RAI14: variants seen among roughly 807,000 people sequenced by gnomAD.
The protein encoded by RAI14 is retinoic acid induced 14, also known as ankycorbin.
A neutral mutation model predicts 115.4 loss-of-function variants in RAI14; 45 were observed. That is an observed-to-expected ratio of 0.39 (90% CI 0.31 to 0.50). RAI14 has a LOEUF of 0.50. Among genes scored for constraint, RAI14 ranks in the 20% least tolerant of loss-of-function variants. RAI14 has a pLI of 0.85. For missense variants in RAI14, 939 were observed against 1,131.2 expected (o/e 0.83, Z 2.44); for synonymous variants, 371 against 415.4 (o/e 0.89, Z 1.30).
intron 2 of RAI14, chr5:34,728,561 C>G (rs1743774704): frequency 6.6e-6 from 1 of 152,114 alleles, no homozygotes; most frequent in African/African-American, 2.4e-5. Context: ...GGGAGCTCCC[C>G]TGCACATGCT....
intron 2 of RAI14, among the ~76,000 whole-genome samples, chr5:34,732,473 C>G (rs530072194): frequency 7.2e-6 from 1 of 139,394 alleles, no homozygotes; most frequent in East Asian, 2.1e-4. Flanking sequence ...GAGTCTTGCT[C>G]TGTCACTCAG....
intron 3 of RAI14, among the ~76,000 whole-genome samples, chr5:34,769,153 C>T (rs1447214235): frequency 6.6e-6 from 1 of 152,008 alleles, no homozygotes; most frequent in Non-Finnish European, 1.5e-5. Flanking sequence ...TTATAGCATT[C>T]ATTTTTTACA....
intron 2 of RAI14, among the ~76,000 whole-genome samples, chr5:34,692,909 C>T (rs1374885541): frequency 4.6e-5 from 7 of 152,228 alleles, no homozygotes; most frequent in Admixed American, 6.5e-5. Flanking sequence ...GGTACTGGCA[C>T]GGTTGGTTCC....
In RAI14 at chr5:34,821,856, T is replaced by G; in HGVS notation, c.1113+6T>G. On this transcript the variant is annotated splice_donor_region_variant and intron_variant, in intron 14 of 17. Transcript: ENST00000265109. ...AGTTACAAGATAAATTACAGGTATA[T>G]AAATAGATTGCTATCATGGACTATT... The G allele has an allele frequency of 6.9e-7, 1 of 1,443,764 alleles. No individual in the cohort carries two copies. Among genetic ancestry groups the G allele is most frequent in the Non-Finnish European group, 9.7e-7 (1 of 1,027,104 alleles). The allele number at this position is 1,443,764 out of a possible 1,614,324, so 89.4% of individuals were successfully genotyped here.
intron 1 of RAI14, among the ~76,000 whole-genome samples, chr5:34,666,906 C>T (rs775917921): frequency 1.4e-4 from 22 of 152,162 alleles, no homozygotes; most frequent in Non-Finnish European, 2.9e-4. Context: ...GCCCTGCCCT[C>T]GGGGACTTAA....
intron 2 of RAI14, chr5:34,688,172 C>G: frequency 1.3e-6 from 2 of 1,548,198 alleles, no homozygotes; most frequent in Non-Finnish European, 1.7e-6. Context: ...CGAGAAACCT[C>G]CTTCAACCTC....
chr5:34,781,389 A>G (rs1054511853), intron 3 of RAI14, among the ~76,000 whole-genome samples: 2 of 152,172 alleles, frequency 1.3e-5, no homozygotes, highest in South Asian at 2.1e-4. Context: ...AAAAAAAGTA[A>G]AAGCTTATGT....
At chr5:34,817,282 A>AAAG (rs1756361242) in intron 12 of RAI14, among the ~76,000 whole-genome samples, 1 of 151,828 alleles carries the variant, frequency 6.6e-6, no homozygotes, top group East Asian at 1.9e-4. Context: ...CAAAAAAAAA[A>AAAG]AAAAAAAGAA....
At position 34,664,407 on chromosome 5, in the gene RAI14, A is replaced by G. The variant is rs540095888; in HGVS notation, c.-49+7932A>G. On this transcript the variant is annotated intron_variant, in intron 1 of 17. Coordinates refer to ENST00000265109, the MANE Select transcript of RAI14 (RefSeq NM_015577.3). The stretch of plus-strand genomic sequence containing the variant: ...ACTCCAGCCTGGGTGACAGCGAGAC[A>G]CTGTCTCAAAAAAAAAAAAAAAAGG... Among the ~76,000 whole-genome samples the G allele has an allele frequency of 2.3e-5, 3 of 130,844 alleles. No individual in the cohort carries two copies. The South Asian group carries it at 9.7e-4, about 42-fold the overall frequency. 85.8% of individuals were successfully genotyped at this position (130,844 alleles called of 152,430 possible).
chr5:34,800,026 A>G (rs1754076817), intron 4 of RAI14, among the ~76,000 whole-genome samples: 2 of 152,142 alleles, frequency 1.3e-5, no homozygotes, highest in African/African-American at 4.8e-5. Context: ...AAATACTTGG[A>G]AGTCTGAGAA....
At chr5:34,756,346 T>G (rs952998272) in intron 2 of RAI14, among the ~76,000 whole-genome samples, 7 of 152,174 alleles carry the variant, frequency 4.6e-5, no homozygotes, top group African/African-American at 1.7e-4. Flanking sequence ...CGTAAAGCTG[T>G]TAATACGAAA....
At position 34,829,549 on chromosome 5, in the gene RAI14, T is replaced by C. The variant is rs149140632; in HGVS notation, c.2800-183T>C. Among the ~76,000 whole-genome samples, 954 of 152,272 alleles carry C rather than the reference T, an allele frequency of 6.3e-3. 6 individuals carry two copies. The highest frequency in any genetic ancestry group is 0.022 in the African/African-American group (915 of 41,552). ...ACCAAGACTTTTTTCCCTAAGATGATTGACAAGTATTCAGAAATACACAAG... is the reference window on the plus strand; with the variant it reads ...ACCAAGACTTTTTTCCCTAAGATGACTGACAAGTATTCAGAAATACACAAG... On this transcript the variant is annotated intron_variant, in intron 16 of 17. Coordinates refer to ENST00000265109, the MANE Select transcript of RAI14 (RefSeq NM_015577.3).
At chr5:34,803,235 A>T (rs535158759) in intron 4 of RAI14, among the ~76,000 whole-genome samples, 1 of 152,274 alleles carries the variant, frequency 6.6e-6, no homozygotes, top group South Asian at 2.1e-4. Context: ...GGGATGCTCG[A>T]TTCTTCCCAC....
Position 34,732,588 on chromosome 5 carries a change from G to A in RAI14, c.37-24880G>A, listed in dbSNP as rs565886951. Reference sequence around the variant, plus strand: ...TGAGTAGCTGAGACTACAGGTGTATGCCACCATGCCTGGCTAATTTTTGTG... The same window carrying A: ...TGAGTAGCTGAGACTACAGGTGTATACCACCATGCCTGGCTAATTTTTGTG... On this transcript the variant is annotated intron_variant, in intron 2 of 17. Coordinates refer to ENST00000265109, the MANE Select transcript of RAI14 (RefSeq NM_015577.3). Among the ~76,000 whole-genome samples the A allele has an allele frequency of 1.8e-4, 27 of 151,574 alleles. 1 individual carries two copies. The highest frequency in any genetic ancestry group is 6.0e-4 in the African/African-American group (25 of 41,340).
intron 2 of RAI14, among the ~76,000 whole-genome samples, chr5:34,735,930 A>T (rs895313628): frequency 1.4e-4 from 22 of 152,374 alleles, no homozygotes; most frequent in African/African-American, 5.3e-4. Context: ...CACAGAGTGC[A>T]GAATACGTGA....
intron 1 of RAI14, among the ~76,000 whole-genome samples, chr5:34,673,583 G>A (rs879337707): frequency 1.3e-5 from 2 of 152,166 alleles, no homozygotes; most frequent in African/African-American, 4.8e-5. Flanking sequence ...CAACCTAAGA[G>A]TACTGACAAA....
Position 34,832,528 on chromosome 5 carries a change from G to A in RAI14, c.*1763G>A, listed in dbSNP as rs1758090108. The A allele has an allele frequency of 6.6e-6, 1 of 152,626 alleles. No individual in the cohort carries two copies. The highest frequency in any genetic ancestry group is 1.5e-5 in the Non-Finnish European group (1 of 68,026). 9.5% of individuals were successfully genotyped at this position (152,626 alleles called of 1,614,324 possible). A position where few individuals can be genotyped will look rare whatever the true frequency, so the allele number is the denominator to read the frequency against. On this transcript the variant is annotated 3_prime_UTR_variant, in exon 18 of 18. Coordinates refer to ENST00000265109, the MANE Select transcript of RAI14 (RefSeq NM_015577.3). ...ATTACGAGTACTCTGGTTAAATATT[G>A]AAAAGTTATATGCTGTAGTTTTTAG...
intron 4 of RAI14, 59 bp from the exon 5 acceptor site, chr5:34,803,653 G>T (rs1351992577): frequency 1.4e-5 from 19 of 1,384,608 alleles, no homozygotes; most frequent in Admixed American, 2.1e-5. Context: ...ATAAGAAAGA[G>T]ATTTTTTTTA....
chr5:34,808,844 C>A (rs926105822), intron 7 of RAI14, among the ~76,000 whole-genome samples, 190 bp downstream of exon 7: 1 of 152,178 alleles, frequency 6.6e-6, no homozygotes, highest in Non-Finnish European at 1.5e-5. Context: ...TACTGCAGCT[C>A]AGGTCATCAG....
Sources: allele counts gnomAD v4.1 joint callset (sites outside exome capture counted in the v4.1 genomes callset), GRCh38; gene constraint gnomAD v4.1.1; transcripts MANE v1.5; gene names NCBI Gene and HGNC (gene_info 2026-07-23, HGNC 2026-07-21).